LOC400499: variants seen among roughly 807,000 people sequenced by gnomAD.
At chr16:11,497,259 C>T in the LOC400499 span, among the ~76,000 whole-genome samples, 28 of 152,230 alleles carry the variant, frequency 1.8e-4, no homozygotes, top group East Asian at 4.2e-3. Flanking sequence ...TGGGTCTTGG[C>T]GTGTGCATCT....
At chr16:11,393,328 CCTTT>C in the LOC400499 span, 10 of 1,193,158 alleles carry the variant, frequency 8.4e-6, no homozygotes, top group Non-Finnish European at 6.3e-6. Flanking sequence ...AGACCCCCGT[CCTTT>C]CTTGAGCCAA....
At chr16:11,475,264 G>C in the LOC400499 span, among the ~76,000 whole-genome samples, 1 of 152,048 alleles carries the variant, frequency 6.6e-6, no homozygotes, top group Admixed American at 6.6e-5. Flanking sequence ...AACCACCATG[G>C]CACATGTACA....
chr16:11,491,531 C>T, the LOC400499 span, among the ~76,000 whole-genome samples: 92 of 151,864 alleles, frequency 6.1e-4, 1 homozygote, highest in East Asian at 0.011. Flanking sequence ...GGGGAGAATA[C>T]ATAGCCCCTT....
At chr16:11,407,457 G>T in the LOC400499 span, 35 of 395,888 alleles carry the variant, frequency 8.8e-5, no homozygotes, top group East Asian at 1.2e-3. Flanking sequence ...AAAGTCCCAG[G>T]CCCAAGAGAC....
chr16:11,518,171 C>T, the LOC400499 span, among the ~76,000 whole-genome samples: 1 of 152,230 alleles, frequency 6.6e-6, no homozygotes, highest in Admixed American at 6.5e-5. Context: ...GGAGACCCTC[C>T]CCTTGCCTTT....
chr16:11,455,729 C>T, the LOC400499 span, among the ~76,000 whole-genome samples: 29 of 119,854 alleles, frequency 2.4e-4, no homozygotes, highest in East Asian at 2.1e-4. Context: ...AGTAAGACTC[C>T]GTCTCAAAAA....
the LOC400499 span, among the ~76,000 whole-genome samples, chr16:11,388,014 C>G: frequency 6.6e-6 from 1 of 152,118 alleles, no homozygotes; most frequent in East Asian, 1.9e-4. Context: ...TTTGAATGAT[C>G]AGGGGGATGT....
the LOC400499 span, chr16:11,380,747 A>ACAG: frequency 1.3e-5 from 2 of 152,172 alleles, no homozygotes; most frequent in Non-Finnish European, 2.9e-5. Context: ...AACTGCAGAT[A>ACAG]CCATTCCATT....
the LOC400499 span, among the ~76,000 whole-genome samples, chr16:11,438,544 G>T: frequency 2.1e-5 from 3 of 142,222 alleles, no homozygotes; most frequent in Non-Finnish European, 4.5e-5. Flanking sequence ...GCCAAGGGAA[G>T]AGGATCACTT....
At chr16:11,452,220 T>C in the LOC400499 span, among the ~76,000 whole-genome samples, 1 of 149,880 alleles carries the variant, frequency 6.7e-6, no homozygotes, top group Admixed American at 6.6e-5. Flanking sequence ...TTTTTTTTTT[T>C]TGCTTTTGAG....
At chr16:11,450,567 G>A in the LOC400499 span, 1 of 1,518,218 alleles carries the variant, frequency 6.6e-7, no homozygotes, top group African/African-American at 1.4e-5. Flanking sequence ...AGATCTCAGT[G>A]GCAGGGGACC....
At chr16:11,385,214 C>T in the LOC400499 span, 3 of 1,232,266 alleles carry the variant, frequency 2.4e-6, no homozygotes, top group South Asian at 1.2e-4. Context: ...TGCTCACCTG[C>T]AGACTGGGGT....
At chr16:11,516,990 CAAATA>C in the LOC400499 span, among the ~76,000 whole-genome samples, 2 of 152,182 alleles carry the variant, frequency 1.3e-5, no homozygotes, top group Non-Finnish European at 2.9e-5. Flanking sequence ...TGAGAAACAG[CAAATA>C]CGGGGAGAGG....
At chr16:11,457,279 CAG>C in the LOC400499 span, 245 of 482,602 alleles carry the variant, frequency 5.1e-4, no homozygotes, top group Non-Finnish European at 1.8e-4. Context: ...CTGTGGAAAA[CAG>C]TGTGGCAGTT....
chr16:11,411,108 G>C, the LOC400499 span: 2 of 397,034 alleles, frequency 5.0e-6, no homozygotes, highest in East Asian at 3.6e-5. Flanking sequence ...GGGTTTCCGA[G>C]GGTTGCCCAC....
chr16:11,393,105 C>T, the LOC400499 span, among the ~76,000 whole-genome samples: 3 of 151,866 alleles, frequency 2.0e-5, no homozygotes, highest in South Asian at 2.1e-4. Context: ...CCACCCACCT[C>T]GGCCTCCCAA....
the LOC400499 span, chr16:11,407,241 C>T: frequency 3.8e-5 from 15 of 398,864 alleles, no homozygotes; most frequent in African/African-American, 6.2e-5. Flanking sequence ...TTGTTGAGAC[C>T]GGCCTTAGCA....
the LOC400499 span, among the ~76,000 whole-genome samples, chr16:11,410,891 T>C: frequency 6.6e-6 from 1 of 152,024 alleles, no homozygotes; most frequent in African/African-American, 2.4e-5. Context: ...AGGGCAGAGA[T>C]GGGGGTGACG....
the LOC400499 span, among the ~76,000 whole-genome samples, chr16:11,509,120 CT>C: frequency 6.7e-4 from 87 of 130,730 alleles, no homozygotes; most frequent in East Asian, 1.1e-3. Flanking sequence ...CCTTTTTTTT[CT>C]TTTTTTTTTT....
Sources: allele counts gnomAD v4.1 joint callset (sites outside exome capture counted in the v4.1 genomes callset), GRCh38; gene constraint gnomAD v4.1.1; transcripts MANE v1.5.